Variants in EDA observed in about 807,000 individuals in gnomAD.
The protein encoded by EDA is ectodysplasin A.
EDA carries 2 observed loss-of-function variants against 23.6 expected under a neutral mutation model. The ratio of observed to expected loss-of-function variants is 0.08; its 90% CI spans 0.03 to 0.27. EDA has a LOEUF of 0.27. Among genes scored for constraint, EDA ranks in the 10% least tolerant of loss-of-function variants. The probability of loss-of-function intolerance (pLI) is 1.00; values close to 1 mark genes in which losing one functional copy is unlikely to be tolerated. For missense variants in EDA, 229 were observed against 324.2 expected (o/e 0.71, Z 2.26); for synonymous variants, 131 against 132.0 (o/e 0.99, Z 0.05).
intron 1 of EDA, among the ~76,000 whole-genome samples, chrX:69,810,396 G>A (rs758862443): frequency 3.8e-5 from 4 of 105,420 alleles, no homozygotes; most frequent in Non-Finnish European, 7.8e-5. Flanking sequence ...TTCCTCCAGA[G>A]AGTTGCAATT....
At chrX:69,878,388 T>C (rs1255312499) in intron 1 of EDA, among the ~76,000 whole-genome samples, 1 of 112,480 alleles carries the variant, frequency 8.9e-6, no homozygotes, top group Non-Finnish European at 1.9e-5. Context: ...GGCTGCCCAG[T>C]GTTCAGCGCA....
intron 1 of EDA, among the ~76,000 whole-genome samples, chrX:69,732,095 GATTTATTT>G (rs138512692): frequency 5.4e-5 from 6 of 110,220 alleles, no homozygotes; most frequent in Non-Finnish European, 1.1e-4. Flanking sequence ...TTTTATTGAA[GATTTATTT>G]ATTTATTTTA....
In EDA at chrX:69,814,284, A is replaced by G. The variant is rs1340965816; in HGVS notation, c.397-142743A>G. Among the ~76,000 whole-genome samples, 8 of 112,419 alleles carry G rather than the reference A, an allele frequency of 7.1e-5. No individual in the cohort carries two copies. The East Asian group carries it at 2.0e-3, about 27-fold the overall frequency. On this transcript the variant is annotated intron_variant, in intron 1 of 7. Transcript: ENST00000374552. The stretch of plus-strand genomic sequence containing the variant: ...GACTAAATGCCAAACATCCTTTTCT[A>G]TGTTTCCCAGATTTGGAACTACCTC...
At chrX:69,622,253 A>G (rs1343148493) in intron 1 of EDA, among the ~76,000 whole-genome samples, 1 of 111,914 alleles carries the variant, frequency 8.9e-6, no homozygotes, top group Non-Finnish European at 1.9e-5. Context: ...TTGCTGGGTC[A>G]TGGAGGATGC....
intron 1 of EDA, among the ~76,000 whole-genome samples, chrX:69,755,420 T>C (rs1299869986): frequency 9.0e-6 from 1 of 111,682 alleles, no homozygotes; most frequent in Non-Finnish European, 1.9e-5. Flanking sequence ...ATCCTTCCTC[T>C]GGAAGCTTCA....
At chrX:69,830,589 T>G in intron 1 of EDA, among the ~76,000 whole-genome samples, 1 of 112,054 alleles carries the variant, frequency 8.9e-6, no homozygotes, top group Middle Eastern at 4.6e-3. Flanking sequence ...AAGAAATTTA[T>G]GGAAAACTAA....
intron 2 of EDA, among the ~76,000 whole-genome samples, chrX:70,017,157 G>A (rs1450120476): frequency 9.0e-6 from 1 of 111,591 alleles, no homozygotes; most frequent in Non-Finnish European, 1.9e-5. Context: ...GACTGAGCCA[G>A]GAAGAAATTG....
At chrX:69,701,884 T>C (rs997930418) in intron 1 of EDA, among the ~76,000 whole-genome samples, 1 of 111,025 alleles carries the variant, frequency 9.0e-6, no homozygotes, top group African/African-American at 3.3e-5. Flanking sequence ...GGGGTCCTGG[T>C]TGGGGACTAC....
At chrX:69,974,110 A>C (rs1296515770) in intron 2 of EDA, among the ~76,000 whole-genome samples, 2 of 109,721 alleles carry the variant, frequency 1.8e-5, no homozygotes, top group Non-Finnish European at 3.8e-5. Flanking sequence ...CACAGGATTC[A>C]GGATAAAGAT....
intron 1 of EDA, among the ~76,000 whole-genome samples, chrX:69,767,008 A>C (rs757796095): frequency 9.0e-6 from 1 of 111,516 alleles, no homozygotes; most frequent in African/African-American, 3.3e-5. Flanking sequence ...ATGGGAGTGG[A>C]GCCACAGTCT....
At chrX:69,923,193 A>C (rs2018461319) in intron 1 of EDA, among the ~76,000 whole-genome samples, 1 of 111,161 alleles carries the variant, frequency 9.0e-6, no homozygotes, top group South Asian at 3.9e-4. Context: ...TAAGTTCCTG[A>C]ATACATGTGC....
At chrX:69,757,608 A>G (rs960938948) in intron 1 of EDA, among the ~76,000 whole-genome samples, 1 of 112,481 alleles carries the variant, frequency 8.9e-6, no homozygotes, top group Admixed American at 9.4e-5. Context: ...CTTAGCAGCA[A>G]CATGTTCATA....
chrX:69,725,976 C>T (rs2012785891), intron 1 of EDA, among the ~76,000 whole-genome samples: 3 of 111,581 alleles, frequency 2.7e-5, no homozygotes, highest in African/African-American at 9.8e-5. Flanking sequence ...GACTGAGAAG[C>T]CAAACTGAAA....
At chrX:69,893,581 C>T (rs2017965138) in intron 1 of EDA, among the ~76,000 whole-genome samples, 1 of 112,311 alleles carries the variant, frequency 8.9e-6, no homozygotes, top group African/African-American at 3.2e-5. Flanking sequence ...TACTTCAGAT[C>T]AGTTCATGTT....
chrX:69,805,848 G>C (rs1453003403), intron 1 of EDA, among the ~76,000 whole-genome samples: 1 of 111,514 alleles, frequency 9.0e-6, no homozygotes, highest in Non-Finnish European at 1.9e-5. Flanking sequence ...ACATGAATTT[G>C]AGTTGGTATA....
At chrX:69,726,827 G>A (rs1256934010) in intron 1 of EDA, among the ~76,000 whole-genome samples, 3 of 112,339 alleles carry the variant, frequency 2.7e-5, no homozygotes, top group Non-Finnish European at 5.6e-5. Context: ...GGACAGGCAG[G>A]TGCACAAGCC....
chrX:69,727,032 A>G (rs1455727438), intron 1 of EDA, among the ~76,000 whole-genome samples: 1 of 111,897 alleles, frequency 8.9e-6, no homozygotes, highest in Non-Finnish European at 1.9e-5. Context: ...ATCAGGTCAC[A>G]CTGACTTGAT....
intron 1 of EDA, among the ~76,000 whole-genome samples, chrX:69,878,120 C>A (rs969585307): frequency 8.9e-6 from 1 of 111,803 alleles, no homozygotes; most frequent in African/African-American, 3.3e-5. Flanking sequence ...ATTAAACAAA[C>A]CTGGAATCAA....
chrX:70,035,555 C>T lies in EDA; in HGVS notation c.1122C>T (p.Ser374=). 8.3e-7 allele frequency: 1 copy of T among 1,208,983 alleles called. No homozygotes were observed. The highest frequency in any genetic ancestry group is 1.8e-5 in the South Asian group (1 of 56,773). The part of the protein sequence containing the change: ...MVHADISINM[S]KHTTFFGAIR... ...ACGCTGACATCTCCATCAACATGAG[C>T]AAGCACACCACGTTCTTTGGGGCCA... The change falls in exon 8 of 8, where the codon AGC becomes AGT. Residue 374 remains serine, a synonymous_variant. Transcript: ENST00000374552.
Sources: allele counts gnomAD v4.1 joint callset (sites outside exome capture counted in the v4.1 genomes callset), GRCh38; gene constraint gnomAD v4.1.1; transcripts MANE v1.5; gene names NCBI Gene and HGNC (gene_info 2026-07-23, HGNC 2026-07-21).